GRIN2A: variants seen among roughly 807,000 people sequenced by gnomAD.
GRIN2A encodes glutamate ionotropic receptor NMDA type subunit 2A.
In GRIN2A, 22 loss-of-function variants were observed where a neutral mutation model predicts 113.4. The observed-to-expected ratio is 0.19, with a 90% confidence interval of 0.14 to 0.28. The LOEUF is 0.28. Among genes scored for constraint, GRIN2A ranks in the 10% least tolerant of loss-of-function variants. GRIN2A has a pLI of 1.00. For synonymous variants in GRIN2A, 827 were observed against 738.4 expected (o/e 1.12, Z -1.94); for missense variants, 1,502 against 1,887.0 (o/e 0.80, Z 3.78).
At chr16:9,985,705 T>A (rs1028356700) in intron 2 of GRIN2A, among the ~76,000 whole-genome samples, 2 of 150,942 alleles carry the variant, frequency 1.3e-5, no homozygotes, top group Non-Finnish European at 3.0e-5. Flanking sequence ...CTAGGAAGGG[T>A]AGTTGGGGGA....
At chr16:9,922,171 A>T (rs1381137181) in intron 3 of GRIN2A, among the ~76,000 whole-genome samples, 2 of 152,172 alleles carry the variant, frequency 1.3e-5, no homozygotes, top group Admixed American at 6.5e-5. Flanking sequence ...ATATTGCAAA[A>T]GCACCCAGAA....
At chr16:9,997,026 AT>A (rs1201846103) in intron 2 of GRIN2A, among the ~76,000 whole-genome samples, 1 of 152,120 alleles carries the variant, frequency 6.6e-6, no homozygotes, top group Non-Finnish European at 1.5e-5. Flanking sequence ...GGAAACCATG[AT>A]TTTTTTCATC....
rs2050239798 is a variant in GRIN2A, at chr16:10,180,320, G to A, written c.92C>T (p.Pro31Leu). ...CATCACCGCAATATTTAGCGCGGGGGGACCCTTCTCCGCCGCCGCGCTCGG... is the reference window on the plus strand; with the variant it reads ...CATCACCGCAATATTTAGCGCGGGGAGACCCTTCTCCGCCGCCGCGCTCGG... ...PAPSAAAEKG[P>L]PALNIAVMLG... The change falls in exon 2 of 13, where the codon CCC becomes CTC. Residue 31 changes from proline (P) to leucine (L), a missense_variant. By Grantham distance (98) the Pro-to-Leu change is moderately conservative (BLOSUM62 -3). Coordinates refer to ENST00000330684, the MANE Select transcript of GRIN2A (RefSeq NM_001134407.3). This position sits in a 1 kb window ranked among gnomAD's most constrained non-coding sequence, Gnocchi z 7.0. The A allele has an allele frequency of 6.2e-7, 1 of 1,610,732 alleles. No homozygotes were observed. Among genetic ancestry groups the A allele is most frequent in the Non-Finnish European group, 8.5e-7 (1 of 1,179,932 alleles).
chr16:9,908,858 C>G (rs1261832035), intron 3 of GRIN2A, among the ~76,000 whole-genome samples: 1 of 152,118 alleles, frequency 6.6e-6, no homozygotes, highest in African/African-American at 2.4e-5. Flanking sequence ...TGGCCTGGCA[C>G]CAGGCCCTCC....
At chr16:9,871,253 C>A (rs1596522381) in intron 4 of GRIN2A, among the ~76,000 whole-genome samples, 1 of 152,178 alleles carries the variant, frequency 6.6e-6, no homozygotes, top group South Asian at 2.1e-4. Context: ...TGTGAAAGAA[C>A]CAGAAACAGT....
intron 11 of GRIN2A, among the ~76,000 whole-genome samples, chr16:9,789,582 AC>A (rs1319641918): frequency 5.3e-5 from 8 of 151,726 alleles, no homozygotes; most frequent in African/African-American, 1.9e-4. Context: ...ACACACACAC[AC>A]ACACACAAAC....
intron 2 of GRIN2A, among the ~76,000 whole-genome samples, chr16:10,173,096 G>A (rs575857230): frequency 2.6e-5 from 4 of 152,292 alleles, no homozygotes; most frequent in Admixed American, 6.5e-5. Flanking sequence ...TCACGCTACC[G>A]GGAGGACGCC....
Position 10,161,319 on chromosome 16 carries a change from A to C in GRIN2A, c.414+18679T>G, listed in dbSNP as rs544193185. On this transcript the variant is annotated intron_variant, in intron 2 of 12. Coordinates refer to ENST00000330684, the MANE Select transcript of GRIN2A (RefSeq NM_001134407.3). ...AAATTTCCGGAGGCCTCCCAGCCAC[A>C]CTGAACTGTGAGTCAATTAAACCTT... 1.1e-4 allele frequency among the ~76,000 whole-genome samples: 16 copies of C among 152,294 alleles called. No individual in the cohort carries two copies. The South Asian group carries it at 3.1e-3, about 30-fold the overall frequency.
rs547589113 is a variant in GRIN2A at position 9,867,021 on chromosome 16, T to C, written c.1123-17060A>G. Among the ~76,000 whole-genome samples the C allele has an allele frequency of 5.9e-5, 9 of 152,310 alleles. 1 individual carries two copies. Among genetic ancestry groups the C allele is most frequent in the Admixed American group, 3.3e-4 (5 of 15,302 alleles). On this transcript the variant is annotated intron_variant, in intron 4 of 12. Coordinates refer to ENST00000330684, the MANE Select transcript of GRIN2A (RefSeq NM_001134407.3). ...CTCTATCTTCTCTCAATTAGTCTAT[T>C]TGTTCATGCCTTCATTTCTTCCCGA... is the stretch of plus-strand genomic sequence containing the variant.
Position 10,050,748 on chromosome 16 carries a change from A to C in GRIN2A, c.415-112197T>G, listed in dbSNP as rs192225061. Among the ~76,000 whole-genome samples the C allele has an allele frequency of 7.2e-5, 11 of 152,168 alleles. No individual in the cohort carries two copies. In the East Asian group the frequency reaches 1.5e-3, roughly 21 times the overall value. On this transcript the variant is annotated intron_variant, in intron 2 of 12. Coordinates refer to ENST00000330684, the MANE Select transcript of GRIN2A (RefSeq NM_001134407.3). ...TCAGCCCAACCCCGGTCTGTGGAAA[A>C]ACTGTCTTCCACGAAACTGGTCCCT...
chr16:10,039,802 G>GAGAGAGAGAGAGAGA (rs1555469289), intron 2 of GRIN2A, among the ~76,000 whole-genome samples: 1 of 56,142 alleles, frequency 1.8e-5, no homozygotes, highest in African/African-American at 1.0e-4. Context: ...GGGAGGGGGA[G>GAGAGAGAGAGAGAGA]GGGGGGGAGA....
intron 2 of GRIN2A, among the ~76,000 whole-genome samples, chr16:10,146,617 A>G (rs910776484): frequency 2.0e-5 from 3 of 152,074 alleles, no homozygotes; most frequent in Non-Finnish European, 2.9e-5. Context: ...TTTCAGAGTG[A>G]CAGCTATTAA....
At chr16:9,890,592 A>T (rs187558131) in intron 4 of GRIN2A, among the ~76,000 whole-genome samples, 1 of 152,374 alleles carries the variant, frequency 6.6e-6, no homozygotes, top group East Asian at 1.9e-4. Context: ...ATGAAAATAC[A>T]GAGGGTTCGT....
In GRIN2A at chr16:9,753,565, T is replaced by A. The variant is rs1900250308; in HGVS notation, c.*9584A>T. ...TTTCAATCCCCATTCCTTAAAACAG[T>A]TGATAACACATTGAACAAAATTAAA... On this transcript the variant is annotated 3_prime_UTR_variant, in exon 13 of 13. Transcript: ENST00000330684. The A allele has an allele frequency of 1.5e-5, 3 of 199,888 alleles. No homozygotes were observed. The highest frequency in any genetic ancestry group is 6.0e-5 in the Admixed American group (1 of 16,632). 12.4% of individuals were successfully genotyped at this position (199,888 alleles called of 1,614,324 possible).
intron 2 of GRIN2A, among the ~76,000 whole-genome samples, chr16:10,044,108 C>T (rs1341241380): frequency 2.0e-5 from 3 of 151,266 alleles, no homozygotes; most frequent in East Asian, 3.9e-4. Flanking sequence ...GGCAGGAATA[C>T]GGTGGCGCAA....
In GRIN2A at chr16:9,829,444, C is replaced by T. The variant is rs1435276408; in HGVS notation, c.1986G>A (p.Val662=). The change falls in exon 9 of 13, where the codon GTG becomes GTA. Residue 662 remains valine (V), a synonymous_variant. Transcript: ENST00000330684. The part of the protein sequence containing the change: ...FMIQEEFVDQ[V]TGLSDKKFQR... Reference sequence around the variant, plus strand: ...TTACCTTTTTGTCACTGAGGCCGGTCACTTGGTCCACAAATTCCTCTTGGA... The same window carrying T: ...TTACCTTTTTGTCACTGAGGCCGGTTACTTGGTCCACAAATTCCTCTTGGA... The T allele has an allele frequency of 1.9e-6, 3 of 1,613,364 alleles. No individual in the cohort carries two copies. The highest frequency in any genetic ancestry group is 1.7e-4 in the Middle Eastern group (1 of 6,044).
At chr16:9,931,628 A>G (rs2044595782) in intron 3 of GRIN2A, among the ~76,000 whole-genome samples, 2 of 152,090 alleles carry the variant, frequency 1.3e-5, no homozygotes, top group African/African-American at 4.8e-5. Flanking sequence ...ATCCTTTGGT[A>G]AGAGGGTTTT....
At chr16:9,857,878 T>C (rs2042995754) in intron 4 of GRIN2A, among the ~76,000 whole-genome samples, 1 of 152,228 alleles carries the variant, frequency 6.6e-6, no homozygotes, top group Non-Finnish European at 1.5e-5. Context: ...TTAGACACAG[T>C]TTTTACCATG....
chr16:9,947,687 A>C (rs533684607), intron 2 of GRIN2A, among the ~76,000 whole-genome samples: 5 of 152,180 alleles, frequency 3.3e-5, no homozygotes, highest in Non-Finnish European at 7.4e-5. Flanking sequence ...AGGCACAGAC[A>C]CTGGTACCAA....
Sources: gnomAD v4.1 joint callset for allele counts (sites outside exome capture counted in the v4.1 genomes callset) on GRCh38, gnomAD v4.1.1 for gene constraint, Gnocchi (gnomAD v3.1) non-coding constraint, MANE v1.5 for transcripts, NCBI Gene and HGNC (gene_info 2026-07-23, HGNC 2026-07-21) for gene names.